Variants in ELP4 observed in about 807,000 individuals in gnomAD.
ELP4 encodes elongator acetyltransferase complex subunit 4.
ELP4 carries 51 observed loss-of-function variants against 48.9 expected under a neutral mutation model. The observed-to-expected ratio is 1.04, with a 90% confidence interval of 0.83 to 1.32. ELP4 has a LOEUF of 1.32. Ranked by LOEUF, ELP4 falls within the 40% of genes most tolerant of loss-of-function variation. ELP4 has a pLI of 0.00. For missense variants in ELP4, 519 were observed against 514.6 expected (o/e 1.01, Z -0.08); for synonymous variants, 210 against 189.2 (o/e 1.11, Z -0.90).
At chr11:31,672,736 C>T (rs969924530) in intron 9 of ELP4, among the ~76,000 whole-genome samples, 26 of 152,010 alleles carry the variant, frequency 1.7e-4, no homozygotes, top group Admixed American at 3.9e-4. Flanking sequence ...CTATGGTGAG[C>T]CATGATTGTG....
chr11:31,750,265 G>C (rs947451118), intron 9 of ELP4, among the ~76,000 whole-genome samples: 3 of 152,134 alleles, frequency 2.0e-5, no homozygotes, highest in African/African-American at 7.2e-5. Flanking sequence ...CCAAGGAAGG[G>C]AGTACAGATT....
At chr11:31,665,073 G>GTCTC (rs1261430684) in intron 9 of ELP4, among the ~76,000 whole-genome samples, 3 of 152,078 alleles carry the variant, frequency 2.0e-5, no homozygotes, top group African/African-American at 7.2e-5. Context: ...TAATGACTGA[G>GTCTC]TCTCTGTTCA....
intron 9 of ELP4, among the ~76,000 whole-genome samples, chr11:31,727,023 A>T (rs1449266371): frequency 5.3e-5 from 8 of 152,176 alleles, no homozygotes; most frequent in Admixed American, 1.3e-4. Flanking sequence ...ATAAAAGGCC[A>T]AGAATAAGTA....
At chr11:31,605,159 G>A (rs1036540858) in intron 5 of ELP4, among the ~76,000 whole-genome samples, 3 of 151,942 alleles carry the variant, frequency 2.0e-5, no homozygotes, top group East Asian at 3.9e-4. Flanking sequence ...CTGTGTCATG[G>A]AGTAATGAGC....
At chr11:31,539,853 CAA>C in intron 3 of ELP4, 70 bp downstream of exon 3, 1 of 1,348,018 alleles carries the variant, frequency 7.4e-7, no homozygotes, top group Non-Finnish European at 1.0e-6. Context: ...TATATGTAAA[CAA>C]GATATATGTT....
Position 31,787,743 on chromosome 11 carries a change from G to A in ELP4, c.*4219G>A. 1 of 229,194 alleles carries A rather than the reference G, an allele frequency of 4.4e-6. No homozygotes were observed. The highest frequency in any genetic ancestry group is 8.7e-6 in the Non-Finnish European group (1 of 115,472). The allele number at this position is 229,194 out of a possible 1,614,324, so 14.2% of individuals were successfully genotyped here. A position where few individuals can be genotyped will look rare whatever the true frequency, so the allele number is the denominator to read the frequency against. On this transcript the variant is annotated 3_prime_UTR_variant, in exon 10 of 10. Coordinates refer to ENST00000640961, the MANE Select transcript of ELP4 (RefSeq NM_019040.5). The stretch of plus-strand genomic sequence containing the variant: ...GTGTCTCCAAATGTGCAGCAACTCT[G>A]GTGGAATAAAATTATTAGTATATTT...
At chr11:31,645,417 T>C (rs969241394) in intron 7 of ELP4, among the ~76,000 whole-genome samples, 12 of 151,792 alleles carry the variant, frequency 7.9e-5, no homozygotes, top group African/African-American at 2.7e-4. Context: ...TAAATCCTCT[T>C]TGAAATAAGC....
At chr11:31,723,578 G>A (rs1017957235) in intron 9 of ELP4, among the ~76,000 whole-genome samples, 1 of 152,102 alleles carries the variant, frequency 6.6e-6, no homozygotes, top group South Asian at 2.1e-4. Context: ...TATGTATTAT[G>A]CCAGACATTG....
intron 2 of ELP4, among the ~76,000 whole-genome samples, chr11:31,528,576 A>G (rs1008020260): frequency 3.3e-5 from 5 of 152,098 alleles, no homozygotes; most frequent in African/African-American, 4.8e-5. Flanking sequence ...ATTTTTCTAC[A>G]TATTTCCTCA....
chr11:31,571,814 T>A (rs762797670), intron 3 of ELP4, among the ~76,000 whole-genome samples: 5 of 152,224 alleles, frequency 3.3e-5, no homozygotes, highest in African/African-American at 4.8e-5. Context: ...GATTGTTTTT[T>A]CTGAGCAGTA....
intron 3 of ELP4, among the ~76,000 whole-genome samples, chr11:31,592,419 G>A (rs905406628): frequency 1.3e-5 from 2 of 151,724 alleles, no homozygotes; most frequent in Non-Finnish European, 2.9e-5. Flanking sequence ...GCATGTGCCT[G>A]TAGTCCCATC....
intron 3 of ELP4, among the ~76,000 whole-genome samples, chr11:31,569,120 C>T (rs1469645548): frequency 6.6e-6 from 1 of 151,578 alleles, no homozygotes; most frequent in Non-Finnish European, 1.5e-5. Context: ...GAAAAAAAAC[C>T]TAAATCTAAA....
intron 3 of ELP4, among the ~76,000 whole-genome samples, chr11:31,553,725 A>ACACACACACACAC (rs1362894921): frequency 1.4e-5 from 2 of 140,406 alleles, no homozygotes; most frequent in African/African-American, 5.3e-5. Flanking sequence ...TGCACACACA[A>ACACACACACACAC]ACACACACAC....
At chr11:31,613,785 TGCA>T (rs780287950) in intron 5 of ELP4, among the ~76,000 whole-genome samples, 11 of 146,356 alleles carry the variant, frequency 7.5e-5, no homozygotes, top group Non-Finnish European at 1.4e-4. Context: ...CTCGGCTCAC[TGCA>T]GCCTCTACCT....
At chr11:31,734,391 G>C (rs1303117415) in intron 9 of ELP4, among the ~76,000 whole-genome samples, 2 of 152,092 alleles carry the variant, frequency 1.3e-5, no homozygotes, top group East Asian at 3.9e-4. Context: ...AGAAATTAAA[G>C]GCATCCATAT....
rs1219567105 is a variant in ELP4, at chr11:31,780,285, C to CA, written c.1144-3107dup. Among the ~76,000 whole-genome samples, 6 of 152,148 alleles carry CA rather than the reference C, an allele frequency of 3.9e-5. No homozygotes were observed. In the East Asian group the frequency reaches 1.2e-3, roughly 29 times the overall value. On this transcript the variant is annotated intron_variant, in intron 9 of 9. Coordinates refer to ENST00000640961, the MANE Select transcript of ELP4 (RefSeq NM_019040.5). ...AAGGAAAAATCCCTGACACACCTGG[C>CA]ATGCCTGGAACCTGATCTCTCGTTC...
chr11:31,665,213 T>G (rs780793205), intron 9 of ELP4, among the ~76,000 whole-genome samples: 8 of 152,118 alleles, frequency 5.3e-5, no homozygotes, highest in Non-Finnish European at 1.0e-4. Context: ...TACCTCTTCT[T>G]GATGAGCCTG....
chr11:31,548,863 C>G (rs1213324186), intron 3 of ELP4, among the ~76,000 whole-genome samples: 4 of 152,154 alleles, frequency 2.6e-5, no homozygotes, highest in Admixed American at 6.5e-5. Flanking sequence ...TTTGACAAAC[C>G]TGAGAAAAGC....
intron 7 of ELP4, among the ~76,000 whole-genome samples, chr11:31,642,811 G>A (rs893252396): frequency 6.6e-6 from 1 of 151,704 alleles, no homozygotes; most frequent in African/African-American, 2.4e-5. Flanking sequence ...ATCCACAGAA[G>A]CAAGTGACAA....
Sources: allele counts gnomAD v4.1 joint callset (sites outside exome capture counted in the v4.1 genomes callset), GRCh38; gene constraint gnomAD v4.1.1; transcripts MANE v1.5; gene names NCBI Gene and HGNC (gene_info 2026-07-23, HGNC 2026-07-21).